Variants in CPPED1 observed in about 807,000 individuals in gnomAD.
The protein encoded by CPPED1 is calcineurin like phosphoesterase domain containing 1, also known as serine/threonine-protein phosphatase CPPED1.
CPPED1 carries 28 observed loss-of-function variants against 28.0 expected under a neutral mutation model. That is an observed-to-expected ratio of 1.00 (90% confidence interval 0.74 to 1.37). CPPED1 has a LOEUF of 1.37. Ranked by LOEUF, CPPED1 falls within the 40% of genes most tolerant of loss-of-function variation. CPPED1 has a pLI of 0.00. For missense variants in CPPED1, 504 were observed against 416.5 expected (o/e 1.21, Z -1.83); for synonymous variants, 198 against 180.2 (o/e 1.10, Z -0.79).
At chr16:12,724,471 T>G (rs1320964238) in intron 2 of CPPED1, among the ~76,000 whole-genome samples, 2 of 152,206 alleles carry the variant, frequency 1.3e-5, no homozygotes, top group African/African-American at 2.4e-5. Context: ...CTGCCAGCAG[T>G]GGCTCTTTCA....
At chr16:12,784,403 A>G (rs572813078) in intron 1 of CPPED1, among the ~76,000 whole-genome samples, 7 of 152,350 alleles carry the variant, frequency 4.6e-5, no homozygotes, top group African/African-American at 1.7e-4. Flanking sequence ...ATTCCTCACA[A>G]AATCCTGTGA....
In CPPED1 at chr16:12,682,334, C is replaced by A. The variant is rs1042497268; in HGVS notation, c.716-17219G>T. ...TACAGACACGAGCCACCGCGCCCAGCCCCTTTATTACTTTTCTACATGGGG... is the reference window on the plus strand; with the variant it reads ...TACAGACACGAGCCACCGCGCCCAGACCCTTTATTACTTTTCTACATGGGG... On this transcript the variant is annotated intron_variant, in intron 3 of 3. Transcript: ENST00000381774. The surrounding 1 kb of genome is among the most constrained non-coding windows in gnomAD (Gnocchi z 6.1). 9.2e-5 allele frequency among the ~76,000 whole-genome samples: 14 copies of A among 152,164 alleles called. No individual in the cohort carries two copies. The highest frequency in any genetic ancestry group is 2.9e-5 in the Non-Finnish European group (2 of 68,024).
chr16:12,707,681 G>A lies in CPPED1; in HGVS notation c.290-2632C>T, dbSNP rs568103575. 3.3e-5 allele frequency among the ~76,000 whole-genome samples: 5 copies of A among 152,250 alleles called. No homozygotes were observed. In the East Asian group the frequency reaches 9.6e-4, roughly 29 times the overall value. On this transcript the variant is annotated intron_variant, in intron 2 of 3. Coordinates refer to ENST00000381774, the MANE Select transcript of CPPED1 (RefSeq NM_018340.3). ...TTCAAAAGAAAGGCTGACTTGGGAAGGAAACCTTGTCTAGGAAGCAACCAA... is the reference window on the plus strand; with the variant it reads ...TTCAAAAGAAAGGCTGACTTGGGAAAGAAACCTTGTCTAGGAAGCAACCAA...
At position 12,803,844 on chromosome 16, in the gene CPPED1, C is replaced by A. The variant is rs1284474478; in HGVS notation, c.-68G>T. On this transcript the variant is annotated 5_prime_UTR_variant, in exon 1 of 4. Transcript: ENST00000381774. ...GGAAGCCGCGCGACTTCACACAGAA[C>A]AACCGCTGGACCTGTCCCGCTTTGG... 1.4e-6 allele frequency: 2 copies of A among 1,461,094 alleles called. No homozygotes were observed. The highest frequency in any genetic ancestry group is 1.9e-6 in the Non-Finnish European group (2 of 1,076,488). The allele number at this position is 1,461,094 out of a possible 1,614,324, so 90.5% of individuals were successfully genotyped here.
At chr16:12,785,581 C>T (rs8051240) in intron 1 of CPPED1, among the ~76,000 whole-genome samples, 4,870 of 152,148 alleles carry the variant, frequency 0.032, 251 homozygotes, top group African/African-American at 0.11. Context: ...GCATGCAGCA[C>T]CACACCTGAT....
At chr16:12,783,220 C>A in intron 1 of CPPED1, among the ~76,000 whole-genome samples, 1 of 152,154 alleles carries the variant, frequency 6.6e-6, no homozygotes. Flanking sequence ...ATTAGACAGA[C>A]AGGGCCAGGC....
chr16:12,695,572 T>A (rs2079985633), intron 3 of CPPED1, among the ~76,000 whole-genome samples: 1 of 152,154 alleles, frequency 6.6e-6, no homozygotes, highest in African/African-American at 2.4e-5. Context: ...TGCCCAGCCT[T>A]CTTTATACAT....
chr16:12,703,253 T>C (rs554587971), intron 3 of CPPED1, among the ~76,000 whole-genome samples: 3 of 152,234 alleles, frequency 2.0e-5, no homozygotes, highest in African/African-American at 7.2e-5. Flanking sequence ...CTGGAAAACA[T>C]CTCCAATTAT....
At chr16:12,803,560 G>C in intron 1 of CPPED1, 147 bp downstream of exon 1, 1 of 641,818 alleles carries the variant, frequency 1.6e-6, no homozygotes, top group Non-Finnish European at 2.4e-6. Context: ...CTAAGAGCAG[G>C]CTTTGATGCA....
At chr16:12,691,754 T>A (rs141202960) in intron 3 of CPPED1, among the ~76,000 whole-genome samples, 1 of 137,094 alleles carries the variant, frequency 7.3e-6, no homozygotes, top group Non-Finnish European at 1.5e-5. Flanking sequence ...TAGGTGGGAA[T>A]TGAACAGTGA....
rs762590425 is a variant in CPPED1, at chr16:12,781,319, C to G, written c.155G>C (p.Gly52Ala). ...TTCGTCACCGCCATTGTCACAGTCCCCAGTGGACCAGGCCTTGATCAGCCC... is the reference window on the plus strand; with the variant it reads ...TTCGTCACCGCCATTGTCACAGTCCGCAGTGGACCAGGCCTTGATCAGCCC... The part of the protein sequence containing the change: ...QFGLIKAWST[G>A]DCDNGGDEWE... Residue 52 changes from glycine (G) to alanine (A), a missense_variant, in exon 2 of 4, where the codon GGG becomes GCG. By Grantham distance (60) the Gly-to-Ala change is moderately conservative (BLOSUM62 0). Coordinates refer to ENST00000381774, the MANE Select transcript of CPPED1 (RefSeq NM_018340.3). The G allele has an allele frequency of 1.9e-6, 3 of 1,614,116 alleles. No homozygotes were observed. The highest frequency in any genetic ancestry group is 2.5e-6 in the Non-Finnish European group (3 of 1,180,026).
At chr16:12,748,025 G>A (rs2080302198) in intron 2 of CPPED1, among the ~76,000 whole-genome samples, 1 of 152,198 alleles carries the variant, frequency 6.6e-6, no homozygotes. Context: ...GAAACAGCCA[G>A]TGGACATTCG....
chr16:12,798,776 T>A (rs772796566), intron 1 of CPPED1, among the ~76,000 whole-genome samples: 1 of 152,248 alleles, frequency 6.6e-6, no homozygotes, highest in Non-Finnish European at 1.5e-5. Flanking sequence ...AGCCATAAAC[T>A]TCTCAAAAGA....
chr16:12,688,566 G>A (rs967759261), intron 3 of CPPED1, among the ~76,000 whole-genome samples: 3 of 151,992 alleles, frequency 2.0e-5, no homozygotes, highest in Non-Finnish European at 2.9e-5. Context: ...CTCGAACTCC[G>A]ACCTCAGGTG....
chr16:12,664,595 G>C lies in CPPED1; in HGVS notation c.*291C>G. 2 of 1,205,062 alleles carry C rather than the reference G, an allele frequency of 1.7e-6. No homozygotes were observed. Among genetic ancestry groups the C allele is most frequent in the South Asian group, 4.0e-5 (2 of 50,400 alleles). 74.6% of individuals were successfully genotyped at this position (1,205,062 alleles called of 1,614,324 possible). On this transcript the variant is annotated 3_prime_UTR_variant, in exon 4 of 4. Coordinates refer to ENST00000381774, the MANE Select transcript of CPPED1 (RefSeq NM_018340.3). The surrounding 1 kb of genome is among the most constrained non-coding windows in gnomAD (Gnocchi z 4.2). ...CAGAATACAATCCAATTCAAAAGTG[G>C]AGTTGAGAAACACAGCATTAGGAGA... is the stretch of plus-strand genomic sequence containing the variant.
At chr16:12,735,460 G>A (rs765794161) in intron 2 of CPPED1, among the ~76,000 whole-genome samples, 3 of 152,112 alleles carry the variant, frequency 2.0e-5, no homozygotes, top group Middle Eastern at 3.2e-3. Flanking sequence ...GCACATTACC[G>A]TCCCTGGCTA....
At chr16:12,749,642 T>G (rs1034231288) in intron 2 of CPPED1, among the ~76,000 whole-genome samples, 1 of 152,160 alleles carries the variant, frequency 6.6e-6, no homozygotes, top group Non-Finnish European at 1.5e-5. Context: ...CAGGCTAGAG[T>G]GTAGTGGTGC....
chr16:12,710,271 G>C (rs2080073340), intron 2 of CPPED1, among the ~76,000 whole-genome samples: 1 of 152,120 alleles, frequency 6.6e-6, no homozygotes, highest in African/African-American at 2.4e-5. Flanking sequence ...TTGGGAGGTA[G>C]AACTGACAGG....
At chr16:12,774,863 C>G (rs867284846) in intron 2 of CPPED1, among the ~76,000 whole-genome samples, 31 of 152,126 alleles carry the variant, frequency 2.0e-4, no homozygotes, top group South Asian at 2.1e-4. Context: ...GCTCTGTCAC[C>G]CAGGCTGGAG....
Sources: gnomAD v4.1 joint callset for allele counts (sites outside exome capture counted in the v4.1 genomes callset) on GRCh38, gnomAD v4.1.1 for gene constraint, Gnocchi (gnomAD v3.1) non-coding constraint, MANE v1.5 for transcripts, NCBI Gene and HGNC (gene_info 2026-07-23, HGNC 2026-07-21) for gene names.